The following LRGUK variants were observed in gnomAD, a reference collection of about 807,000 sequenced individuals.
LRGUK encodes the protein leucine-rich repeat and guanylate kinase domain-containing protein.
LRGUK carries 65 observed loss-of-function variants against 76.0 expected under a neutral mutation model. The observed-to-expected ratio is 0.85, with a 90% CI of 0.70 to 1.05. The LOEUF (loss-of-function observed/expected upper bound fraction) is 1.05, where lower values mean the gene tolerates loss of function less well. Among genes scored for constraint, LRGUK ranks in the 50% least tolerant of loss-of-function variants. The pLI is 0.00. For missense variants in LRGUK, 758 were observed against 732.8 expected (o/e 1.03, Z -0.40); for synonymous variants, 268 against 265.6 (o/e 1.01, Z -0.09).
intron 5 of LRGUK, among the ~76,000 whole-genome samples, chr7:134,156,662 G>T (rs771500852): frequency 6.6e-6 from 1 of 152,150 alleles, no homozygotes; most frequent in Non-Finnish European, 1.5e-5. Context: ...ATAGTGAAGG[G>T]CCTTAGATGG....
chr7:134,187,180 TAA>T (rs5887665), intron 11 of LRGUK, among the ~76,000 whole-genome samples: 89 of 149,568 alleles, frequency 6.0e-4, no homozygotes, highest in African/African-American at 8.5e-4. Flanking sequence ...TAGTTAAAAT[TAA>T]AAAAAAAAAA....
In LRGUK at chr7:134,160,305, G is replaced by T. The variant is rs142840817; in HGVS notation, c.795+2146G>T. On this transcript the variant is annotated intron_variant, in intron 6 of 15. Coordinates refer to ENST00000645682, the Ensembl canonical transcript of LRGUK. Reference sequence around the variant, plus strand: ...TGTCTCAAGTAGCTTTTAGAAAAAGGATAGAATACTTCTATTTTCTTAGAT... The same window carrying T: ...TGTCTCAAGTAGCTTTTAGAAAAAGTATAGAATACTTCTATTTTCTTAGAT... 1.7e-3 allele frequency among the ~76,000 whole-genome samples: 259 copies of T among 152,208 alleles called. 1 individual carries two copies. The highest frequency in any genetic ancestry group is 5.9e-3 in the African/African-American group (246 of 41,544).
rs1296249648 is a variant in LRGUK at position 134,247,628 on chromosome 7, A to C, written c.2056A>C (p.Thr686Pro). The C allele has an allele frequency of 2.5e-6, 4 of 1,613,064 alleles. No individual in the cohort carries two copies. The South Asian group carries it at 4.4e-5, about 18-fold the overall frequency. The stretch of plus-strand genomic sequence containing the variant: ...AATGGGAAGGATACGCCCTGATCAC[A>C]CACTCCTATTTCAAAGGTAGCAATT... The change falls in exon 17 of 20, where the codon ACA becomes CCA. Residue 686 changes from threonine (T) to proline (P), a missense_variant. Physicochemically the swap from Thr to Pro is conservative, Grantham distance 38. Transcript: ENST00000285928.
chr7:134,274,988 T>G, the LRGUK span, among the ~76,000 whole-genome samples: 1 of 152,168 alleles, frequency 6.6e-6, no homozygotes, highest in African/African-American at 2.4e-5. Flanking sequence ...TTATATTTTT[T>G]ATTGAGTTTG....
intron 16 of LRGUK, among the ~76,000 whole-genome samples, chr7:134,237,916 G>GC (rs1802051923): frequency 6.6e-6 from 1 of 152,058 alleles, no homozygotes; most frequent in African/African-American, 2.4e-5. Context: ...CACAGGAGAT[G>GC]ATACAATCTC....
chr7:134,178,276 G>A (rs1259345965), intron 9 of LRGUK, among the ~76,000 whole-genome samples: 1 of 151,974 alleles, frequency 6.6e-6, no homozygotes, highest in Non-Finnish European at 1.5e-5. Context: ...AAAGAAGTAG[G>A]AGATCAAAAG....
At chr7:134,162,765 T>G (rs1449524769) in intron 6 of LRGUK, among the ~76,000 whole-genome samples, 1 of 138,580 alleles carries the variant, frequency 7.2e-6, no homozygotes, top group Non-Finnish European at 1.5e-5. Context: ...AGGTGGAGGT[T>G]GCAGTGAGCC....
chr7:134,268,442 A>G (rs139349187), downstream of LRGUK, among the ~76,000 whole-genome samples: 75 of 152,266 alleles, frequency 4.9e-4, no homozygotes, highest in African/African-American at 1.8e-3. Context: ...AATTTGAATA[A>G]GCCTATAAAT....
intron 16 of LRGUK, among the ~76,000 whole-genome samples, chr7:134,246,259 G>A (rs1250913688): frequency 6.6e-6 from 1 of 152,152 alleles, no homozygotes; most frequent in East Asian, 1.9e-4. Context: ...AAAGTGGTTT[G>A]TTGAGGTCCT....
At chr7:134,199,180 GTATC>G (rs775880418) in intron 13 of LRGUK, 36 bp from the exon 14 acceptor site, 245 of 1,531,164 alleles carry the variant, frequency 1.6e-4, no homozygotes, top group Non-Finnish European at 2.0e-4. Context: ...TCTAAATCAT[GTATC>G]TGTTTCCAAT....
At chr7:134,159,491 T>C (rs1362862125) in intron 6 of LRGUK, among the ~76,000 whole-genome samples, 1 of 152,154 alleles carries the variant, frequency 6.6e-6, no homozygotes, top group African/African-American at 2.4e-5. Context: ...CTCGAAGTGC[T>C]TTCTTAAAAC....
intron 7 of LRGUK, among the ~76,000 whole-genome samples, chr7:134,171,945 G>C (rs1342956465): frequency 6.6e-6 from 1 of 152,052 alleles, no homozygotes; most frequent in East Asian, 1.9e-4. Flanking sequence ...GATGTGGGGA[G>C]GTGAAGCCAG....
intron 14 of LRGUK, among the ~76,000 whole-genome samples, chr7:134,200,149 G>T (rs1252470628): frequency 6.7e-6 from 1 of 150,218 alleles, no homozygotes; most frequent in Non-Finnish European, 1.5e-5. Flanking sequence ...CAATAGATCT[G>T]CCTCAACTTC....
At chr7:134,150,490 A>G (rs1307581788) in intron 5 of LRGUK, among the ~76,000 whole-genome samples, 32 of 151,454 alleles carry the variant, frequency 2.1e-4, no homozygotes, top group Admixed American at 4.6e-4. Context: ...AAAAAAAAAA[A>G]AAAAAGAAAA....
Position 134,147,314 on chromosome 7 carries a change from A to G in LRGUK, c.589-924A>G, listed in dbSNP as rs143726200. Among the ~76,000 whole-genome samples, 407 of 152,108 alleles carry G rather than the reference A, an allele frequency of 2.7e-3. 2 individuals are homozygous for G. Among genetic ancestry groups the G allele is most frequent in the African/African-American group, 9.1e-3 (378 of 41,490 alleles). ...CCCGGGTGTGGTGGCACACGTCTAT[A>G]GTCCCAGCTGCTCAGAAGGCTGAGG... On this transcript the variant is annotated intron_variant, in intron 4 of 15. Transcript: ENST00000645682.
chr7:134,243,734 G>A (rs962628737), intron 16 of LRGUK, among the ~76,000 whole-genome samples: 32 of 152,150 alleles, frequency 2.1e-4, no homozygotes, highest in African/African-American at 6.0e-4. Flanking sequence ...AAAAGAGCCC[G>A]CATTGCCAAG....
At chr7:134,189,982 G>C (rs1800132951) in intron 11 of LRGUK, among the ~76,000 whole-genome samples, 1 of 152,178 alleles carries the variant, frequency 6.6e-6, no homozygotes, top group Non-Finnish European at 1.5e-5. Context: ...TTGCAACGAA[G>C]AGCCTTTCGA....
At chr7:134,247,048 A>C (rs1183393340) in intron 16 of LRGUK, among the ~76,000 whole-genome samples, 1 of 152,196 alleles carries the variant, frequency 6.6e-6, no homozygotes, top group Admixed American at 6.5e-5. Flanking sequence ...TCTTGTATGT[A>C]TCTGTATCCC....
intron 15 of LRGUK, among the ~76,000 whole-genome samples, chr7:134,216,246 A>C (rs1289568826): frequency 6.6e-6 from 1 of 152,174 alleles, no homozygotes; most frequent in Non-Finnish European, 1.5e-5. Flanking sequence ...AGCAGCAAAA[A>C]AATGTTTGCA....
Sources: gnomAD v4.1 joint callset for allele counts (sites outside exome capture counted in the v4.1 genomes callset) on GRCh38, gnomAD v4.1.1 for gene constraint, MANE v1.5 for transcripts, NCBI Gene and HGNC (gene_info 2026-07-23, HGNC 2026-07-21) for gene names.